AKAP8L: variants seen among roughly 807,000 people sequenced by gnomAD.
AKAP8L encodes the protein A-kinase anchoring protein 8 like.
A neutral mutation model predicts 77.5 loss-of-function variants in AKAP8L; 34 were observed. The ratio of observed to expected loss-of-function variants is 0.44; its 90% CI spans 0.33 to 0.58. AKAP8L has a LOEUF of 0.58. Among genes scored for constraint, AKAP8L ranks in the 20% least tolerant of loss-of-function variants. The pLI, the probability that AKAP8L is intolerant of heterozygous loss-of-function variation, is 0.02. For missense variants in AKAP8L, 806 were observed against 887.6 expected (o/e 0.91, Z 1.17); for synonymous variants, 342 against 340.7 (o/e 1.00, Z -0.04).
chr19:15,401,636 C>G lies in AKAP8L; in HGVS notation c.363-33G>C, dbSNP rs559623067. 1 of 1,506,002 alleles carries G rather than the reference C, an allele frequency of 6.6e-7. No homozygotes were observed. Among genetic ancestry groups the G allele is most frequent in the African/African-American group, 1.4e-5 (1 of 72,894 alleles). 93.3% of individuals were successfully genotyped at this position (1,506,002 alleles called of 1,614,324 possible). A position where few individuals can be genotyped will look rare whatever the true frequency, so the allele number is the denominator to read the frequency against. The stretch of plus-strand genomic sequence containing the variant: ...GGCATGGGGTGAGCATCAGGTGGAG[C>G]CCCTCAGGATCCCTCACCTCCAGGC... On this transcript the variant is annotated intron_variant, in intron 4 of 13. Transcript: ENST00000397410. This position sits in a 1 kb window ranked among gnomAD's most constrained non-coding sequence, Gnocchi z 6.2.
In AKAP8L at chr19:15,403,393, GCACT is replaced by G; in HGVS notation, c.362+78_362+81del. The G allele has an allele frequency of 1.5e-6, 2 of 1,327,074 alleles. No homozygotes were observed. The highest frequency in any genetic ancestry group is 2.2e-6 in the Non-Finnish European group (2 of 929,886). 82.2% of individuals were successfully genotyped at this position (1,327,074 alleles called of 1,614,324 possible). ...GCGGGGAGGAAGCAGACACAGAGGG[GCACT>G]CAGAGAGGAAAACGCAGTGGGCAGC... is the stretch of plus-strand genomic sequence containing the variant. On this transcript the variant is annotated intron_variant, in intron 4 of 13. Transcript: ENST00000397410. The surrounding 1 kb of genome is among the most constrained non-coding windows in gnomAD (Gnocchi z 4.3).
intron 1 of AKAP8L, among the ~76,000 whole-genome samples, chr19:15,415,854 C>T (rs959409966): frequency 2.0e-5 from 3 of 150,982 alleles, no homozygotes; most frequent in Non-Finnish European, 4.4e-5. Flanking sequence ...CCACTGCACT[C>T]CAGCCTGGGT....
Position 15,397,985 on chromosome 19 carries a change from G to T in AKAP8L, c.1158-130C>A. On this transcript the variant is annotated intron_variant, in intron 9 of 13. Coordinates refer to ENST00000397410, the MANE Select transcript of AKAP8L (RefSeq NM_014371.4). The surrounding 1 kb of genome is among the most constrained non-coding windows in gnomAD (Gnocchi z 4.7). ...GGGCCTCTGAAGTACGGTCCCAGCA[G>T]AGGGACAGGCTGGGACCAGTGGGGT... 1.7e-6 allele frequency: 2 copies of T among 1,188,134 alleles called. No individual in the cohort carries two copies. The highest frequency in any genetic ancestry group is 2.3e-6 in the Non-Finnish European group (2 of 852,232). 73.6% of individuals were successfully genotyped at this position (1,188,134 alleles called of 1,614,324 possible).
At chr19:15,415,225 G>A (rs1968182294) in intron 1 of AKAP8L, among the ~76,000 whole-genome samples, 1 of 152,136 alleles carries the variant, frequency 6.6e-6, no homozygotes, top group South Asian at 2.1e-4. Flanking sequence ...CTTGAGCCCA[G>A]GAGTTCAAGA....
rs1967379293 is a variant in AKAP8L, at chr19:15,380,389, C to G, written c.1674G>C (p.Glu558Asp). 1 of 1,584,568 alleles carries G rather than the reference C, an allele frequency of 6.3e-7. No homozygotes were observed. The highest frequency in any genetic ancestry group is 2.3e-5 in the East Asian group (1 of 43,696). Reference sequence around the variant, plus strand: ...GGGCACCGCCCTCAGCCTCCTCCTGCTCCTTCTCCTCCTCGGGGCTGTCGG... The same window carrying G: ...GGGCACCGCCCTCAGCCTCCTCCTGGTCCTTCTCCTCCTCGGGGCTGTCGG... ...PFTDSPEEEK[E>D]QEEAEGGALD... Residue 558 changes from glutamate to aspartate, a missense_variant, in exon 14 of 14, where the codon GAG becomes GAC. By Grantham distance (45) the Glu-to-Asp change is conservative (BLOSUM62 2). Coordinates refer to ENST00000397410, the MANE Select transcript of AKAP8L (RefSeq NM_014371.4).
chr19:15,394,238 T>C (rs1967722707), intron 12 of AKAP8L, among the ~76,000 whole-genome samples: 1 of 152,080 alleles, frequency 6.6e-6, no homozygotes, highest in Non-Finnish European at 1.5e-5. Context: ...TATGAAGCCA[T>C]ATGAAGGAAT....
intron 2 of AKAP8L, among the ~76,000 whole-genome samples, chr19:15,406,885 C>T (rs1968012350): frequency 6.6e-6 from 1 of 152,212 alleles, no homozygotes; most frequent in South Asian, 2.1e-4. Flanking sequence ...ATTACACCTA[C>T]CTACTCGGTG....
At chr19:15,391,659 C>T (rs1032127052) in intron 12 of AKAP8L, among the ~76,000 whole-genome samples, 4 of 151,348 alleles carry the variant, frequency 2.6e-5, no homozygotes, top group Non-Finnish European at 1.5e-5. Context: ...CTGCCTCAGC[C>T]TCCCAAGTAG....
At chr19:15,400,394 C>A in intron 7 of AKAP8L, 36 bp from the exon 8 acceptor site, 1 of 1,382,082 alleles carries the variant, frequency 7.2e-7, no homozygotes, top group Non-Finnish European at 9.9e-7. Flanking sequence ...AAACAGGTGC[C>A]TTTTTTTTTT....
chr19:15,395,186 C>T (rs919870985), intron 12 of AKAP8L, among the ~76,000 whole-genome samples: 2 of 152,008 alleles, frequency 1.3e-5, no homozygotes, highest in Admixed American at 6.6e-5. Context: ...CCTGCCACCA[C>T]GCCTGGCTAA....
In AKAP8L at chr19:15,398,527, TC is replaced by T; in HGVS notation, c.1158-673del. ...CGAGGTGCTCTGTCTGGGCCTGGTG[TC>T]CACAGTAGAAGCCCGGGGTCTGGGG... On this transcript the variant is annotated intron_variant, in intron 9 of 13. Coordinates refer to ENST00000397410, the MANE Select transcript of AKAP8L (RefSeq NM_014371.4). The surrounding 1 kb of genome is among the most constrained non-coding windows in gnomAD (Gnocchi z 9.2). The T allele has an allele frequency of 1.0e-6, 1 of 967,448 alleles. No homozygotes were observed. Among genetic ancestry groups the T allele is most frequent in the Non-Finnish European group, 1.2e-6 (1 of 813,278 alleles). 59.9% of individuals were successfully genotyped at this position (967,448 alleles called of 1,614,324 possible).
At chr19:15,402,591 A>G (rs901436326) in intron 4 of AKAP8L, among the ~76,000 whole-genome samples, 2 of 152,220 alleles carry the variant, frequency 1.3e-5, no homozygotes, top group African/African-American at 4.8e-5. Flanking sequence ...TACAGAGCCC[A>G]TGGCATCAAA....
intron 1 of AKAP8L, among the ~76,000 whole-genome samples, chr19:15,416,062 A>C (rs994002819): frequency 1.3e-5 from 2 of 152,068 alleles, no homozygotes; most frequent in African/African-American, 2.4e-5. Context: ...CCTGGCCTCA[A>C]GCAATCTTCC....
intron 1 of AKAP8L, among the ~76,000 whole-genome samples, chr19:15,418,281 C>T (rs1388665933): frequency 6.6e-6 from 1 of 152,210 alleles, no homozygotes; most frequent in African/African-American, 2.4e-5. Context: ...GTACCGGACA[C>T]GGTTCATTTG....
rs758847987 is a variant in AKAP8L at position 15,399,065 on chromosome 19, G to A, written c.1157+237C>T. 62 of 551,560 alleles carry A rather than the reference G, an allele frequency of 1.1e-4. No homozygotes were observed. The highest frequency in any genetic ancestry group is 1.9e-4 in the Non-Finnish European group (60 of 308,566). 34.2% of individuals were successfully genotyped at this position (551,560 alleles called of 1,614,324 possible). The stretch of plus-strand genomic sequence containing the variant: ...CAGAGCTTCTGAGCAACGGTGCCGA[G>A]CGGTGTCAGGTCTCGGCCCACAGAC... On this transcript the variant is annotated intron_variant, in intron 9 of 13. Coordinates refer to ENST00000397410, the MANE Select transcript of AKAP8L (RefSeq NM_014371.4). The surrounding 1 kb of genome is among the most constrained non-coding windows in gnomAD (Gnocchi z 6.1).
chr19:15,389,518 A>G (rs1220230679), intron 12 of AKAP8L, among the ~76,000 whole-genome samples: 2 of 152,096 alleles, frequency 1.3e-5, no homozygotes, highest in African/African-American at 4.8e-5. Context: ...CACGCCTGTA[A>G]TCCCAGCACT....
chr19:15,397,583 T>G lies in AKAP8L; in HGVS notation c.1342A>C (p.Lys448Gln). The change falls in exon 11 of 14, where the codon AAA (lysine) becomes CAA (glutamine). Residue 448 changes from lysine (K) to glutamine (Q), a missense_variant. This residue lies in a region of AKAP8L where 580 missense variants were observed against 694.1 expected (regional missense o/e 0.84). Coordinates refer to ENST00000397410, the MANE Select transcript of AKAP8L (RefSeq NM_014371.4). The surrounding 1 kb of genome is among the most constrained non-coding windows in gnomAD (Gnocchi z 4.7). ...AGGCCATCAAGGTCCTCCACGGTTT[T>G]TCGGAGCTCCTCTGTCTTCTTGGTC... ...NKTKKTEELR[K>Q]TVEDLDGLIQ... The G allele has an allele frequency of 1.2e-6, 2 of 1,613,954 alleles. No individual in the cohort carries two copies. The highest frequency in any genetic ancestry group is 1.7e-6 in the Non-Finnish European group (2 of 1,179,876).
intron 1 of AKAP8L, among the ~76,000 whole-genome samples, chr19:15,414,397 T>C (rs1473166089): frequency 2.0e-5 from 3 of 151,988 alleles, no homozygotes; most frequent in Non-Finnish European, 4.4e-5. Context: ...CTTGGTACAA[T>C]TTATCAGCCT....
chr19:15,404,923 T>G (rs1297136561), intron 2 of AKAP8L, among the ~76,000 whole-genome samples: 2 of 152,164 alleles, frequency 1.3e-5, no homozygotes. Flanking sequence ...CACGACCCAG[T>G]GCACAAAAAG....
Sources: allele counts gnomAD v4.1 joint callset (sites outside exome capture counted in the v4.1 genomes callset), GRCh38; gene constraint gnomAD v4.1.1; regional missense constraint gnomAD v4.1.1; non-coding constraint Gnocchi (gnomAD v3.1); transcripts MANE v1.5; gene names NCBI Gene and HGNC (gene_info 2026-07-23, HGNC 2026-07-21).